Variants in DNHD1 observed in about 807,000 individuals in gnomAD.
DNHD1 encodes the protein dynein heavy chain domain 1, also known as dynein heavy chain domain-containing protein 1.
Under a neutral mutation model 458.1 loss-of-function variants are expected in DNHD1, and 383 were observed. The ratio of observed to expected loss-of-function variants is 0.84; its 90% confidence interval spans 0.77 to 0.91. The LOEUF (loss-of-function observed/expected upper bound fraction) is 0.91, where lower values mean the gene tolerates loss of function less well. Among genes scored for constraint, DNHD1 ranks in the 40% least tolerant of loss-of-function variants. DNHD1 has a pLI of 0.00. For missense variants in DNHD1, 5,336 were observed against 5,866.1 expected (o/e 0.91, Z 2.95); for synonymous variants, 2,203 against 2,376.9 (o/e 0.93, Z 2.13).
In DNHD1 at chr11:6,498,592, T is replaced by C. The variant is rs970283466; in HGVS notation, c.377T>C (p.Leu126Pro). ...GTCCAAACCCACCTCCATCTGGACC[T>C]GCTAGGTGCCATTGTCCAGGCCTTT... is the stretch of plus-strand genomic sequence containing the variant. ...PWVQTHLHLD[L>P]LGAIVQAFPP... is the part of the protein sequence containing the mutation. Residue 126 changes from leucine (L) to proline (P), a missense_variant, in exon 3 of 43, where the codon CTG (leucine) becomes CCG (proline). Leu to Pro is a moderately conservative substitution (Grantham distance 98). Around this residue, in one of 4 missense-constraint regions of DNHD1, gnomAD observed 3,932 missense variants for 4,365.6 expected, o/e 0.90. Coordinates refer to ENST00000254579, the MANE Select transcript of DNHD1 (RefSeq NM_144666.3). 3 of 1,614,120 alleles carry C rather than the reference T, an allele frequency of 1.9e-6. No individual in the cohort carries two copies. In the African/African-American group the frequency reaches 4.0e-5, roughly 22 times the overall value.
At position 6,547,341 on chromosome 11, in the gene DNHD1, A is replaced by G; in HGVS notation, c.6402A>G (p.Ile2134Met). The stretch of plus-strand genomic sequence containing the variant: ...TGGAGGTGGCTGACACAACAGGCAT[A>G]TCCCCCACAGTGGTAGGCTGTTGTG... ...LLMEVADTTG[I>M]SPTVVGCCAL... is the part of the protein sequence containing the mutation. Residue 2134 changes from isoleucine (I) to methionine (M), a missense_variant, in exon 21 of 43, where the codon ATA (isoleucine) becomes ATG (methionine). Physicochemically the swap from Ile to Met is conservative, Grantham distance 10. This residue lies in a region of DNHD1 where 3,932 missense variants were observed against 4,365.6 expected (regional missense o/e 0.90). Coordinates refer to ENST00000254579, the MANE Select transcript of DNHD1 (RefSeq NM_144666.3). 6.4e-7 allele frequency: 1 copy of G among 1,551,748 alleles called. No homozygotes were observed. Among genetic ancestry groups the G allele is most frequent in the Non-Finnish European group, 8.7e-7 (1 of 1,147,008 alleles).
At position 6,566,799 on chromosome 11, in the gene DNHD1, G is replaced by C. The variant is rs1269213342; in HGVS notation, c.11385+34G>C. The C allele has an allele frequency of 5.6e-6, 9 of 1,602,488 alleles. No homozygotes were observed. In the South Asian group the frequency reaches 1.0e-4, roughly 18 times the overall value. On this transcript the variant is annotated intron_variant, in intron 35 of 42. Coordinates refer to ENST00000254579, the MANE Select transcript of DNHD1 (RefSeq NM_144666.3). The stretch of plus-strand genomic sequence containing the variant: ...GGGCTCAGTCTGTGGGTTGAGATGA[G>C]CATTGGATGGACCTGGGTAAGGGGG...
intron 28 of DNHD1, among the ~76,000 whole-genome samples, chr11:6,562,685 G>A (rs1022314569): frequency 6.6e-6 from 1 of 152,156 alleles, no homozygotes; most frequent in African/African-American, 2.4e-5. Flanking sequence ...GACAACTGCT[G>A]CTAATGGGTC....
chr11:6,519,689 C>T lies in DNHD1; in HGVS notation c.1482C>T (p.Tyr494=), dbSNP rs114704893. ...DRIRTGQGSI[Y]LQRVQHKQLE... ...TCAGGACAGGCCAAGGCTCCATATACCTTCAGAGGGTACAGCACAAGCAAC... is the reference window on the plus strand; with the variant it reads ...TCAGGACAGGCCAAGGCTCCATATATCTTCAGAGGGTACAGCACAAGCAAC... The change falls in exon 8 of 43, where the codon TAC becomes TAT. Residue 494 remains tyrosine, a synonymous_variant. Transcript: ENST00000254579. 2,515 of 1,614,166 alleles carry T rather than the reference C, an allele frequency of 1.6e-3. 32 individuals are homozygous for T. The African/African-American group carries it at 0.03, about 19-fold the overall frequency.
rs1260698871 is a variant in DNHD1, at chr11:6,533,190, C to G, written c.2505+6C>G. On this transcript the variant is annotated splice_donor_region_variant and intron_variant, in intron 13 of 42. Coordinates refer to ENST00000254579, the MANE Select transcript of DNHD1 (RefSeq NM_144666.3). Reference sequence around the variant, plus strand: ...TTGCACAGTGCACCCAGAAGGTGGGCTCTCCCCATCCATCCTTCCCAGTTT... The same window carrying G: ...TTGCACAGTGCACCCAGAAGGTGGGGTCTCCCCATCCATCCTTCCCAGTTT... 4 of 1,550,786 alleles carry G rather than the reference C, an allele frequency of 2.6e-6. No homozygotes were observed. In the Admixed American group the frequency reaches 5.9e-5, roughly 23 times the overall value.
At chr11:6,568,973 A>AT in intron 39 of DNHD1, 107 bp downstream of exon 39, 2 of 1,310,050 alleles carry the variant, frequency 1.5e-6, no homozygotes, top group Non-Finnish European at 2.1e-6. Flanking sequence ...AGCTCCAAAG[A>AT]GCAAGGGCAA....
Position 6,509,095 on chromosome 11 carries a change from C to A in DNHD1, c.1124+12C>A, listed in dbSNP as rs955502320. 1 of 1,614,004 alleles carries A rather than the reference C, an allele frequency of 6.2e-7. No homozygotes were observed. The highest frequency in any genetic ancestry group is 8.5e-7 in the Non-Finnish European group (1 of 1,179,928). On this transcript the variant is annotated intron_variant, in intron 5 of 42. Transcript: ENST00000254579. The stretch of plus-strand genomic sequence containing the variant: ...AAGTCCTTTACCTGGTAGGTAATGA[C>A]GGATATGTGATTTGGGGGGAAATGG...
chr11:6,564,618 G>A lies in DNHD1; in HGVS notation c.10570G>A (p.Asp3524Asn), dbSNP rs1853658187. Residue 3524 changes from aspartate to asparagine, a missense_variant, in exon 32 of 43, where the codon GAT (aspartate) becomes AAT (asparagine). Coordinates refer to ENST00000254579, the MANE Select transcript of DNHD1 (RefSeq NM_144666.3). ...LSSESEQYQW[D>N]GNLKPQAKSA... ...CTCTGAATCGGAGCAGTACCAGTGG[G>A]ATGGAAACCTGAAGCCACAGGCAAA... 6.4e-7 allele frequency: 1 copy of A among 1,551,620 alleles called. No homozygotes were observed. The highest frequency in any genetic ancestry group is 8.7e-7 in the Non-Finnish European group (1 of 1,147,002).
Position 6,545,822 on chromosome 11 carries a change from C to A in DNHD1, c.4883C>A (p.Ser1628Tyr). Residue 1628 changes from serine (S) to tyrosine (Y), a missense_variant, in exon 21 of 43, where the codon TCT becomes TAT. Around this residue, in one of 4 missense-constraint regions of DNHD1, gnomAD observed 3,932 missense variants for 4,365.6 expected, o/e 0.90. Coordinates refer to ENST00000254579, the MANE Select transcript of DNHD1 (RefSeq NM_144666.3). This position sits in a 1 kb window ranked among gnomAD's most constrained non-coding sequence, Gnocchi z 4.9. ...CTACAGAGTCTTAAGACTATTGCAT[C>A]TTCTGAACCCTCTCTGTCACCAGCG... ...SPLQSLKTIA[S>Y]SEPSLSPAAC... 6.4e-7 allele frequency: 1 copy of A among 1,551,910 alleles called. No homozygotes were observed. Among genetic ancestry groups the A allele is most frequent in the Non-Finnish European group, 8.7e-7 (1 of 1,147,026 alleles).
chr11:6,534,497 G>A (rs978134060), intron 14 of DNHD1, among the ~76,000 whole-genome samples: 5 of 152,152 alleles, frequency 3.3e-5, no homozygotes, highest in Non-Finnish European at 5.9e-5. Flanking sequence ...ATAGAACGTA[G>A]CCTTTTTGTA....
At chr11:6,562,537 AT>A (rs1853606422) in intron 28 of DNHD1, among the ~76,000 whole-genome samples, 1 of 152,146 alleles carries the variant, frequency 6.6e-6, no homozygotes, top group African/African-American at 2.4e-5. Context: ...GAAAAAATTG[AT>A]GAGGAATAGT....
chr11:6,523,171 A>T (rs1028944712), intron 10 of DNHD1, among the ~76,000 whole-genome samples: 2 of 152,234 alleles, frequency 1.3e-5, no homozygotes. Context: ...GAAAAGAGAC[A>T]AAGGATTGCC....
chr11:6,546,237 G>C lies in DNHD1; in HGVS notation c.5298G>C (p.Leu1766=). Residue 1766 remains leucine, a synonymous_variant, in exon 21 of 43, where the codon CTG becomes CTC. Coordinates refer to ENST00000254579, the MANE Select transcript of DNHD1 (RefSeq NM_144666.3). The part of the protein sequence containing the change: ...LGELHHLYAP[L]YQEASRNTST... ...AACTGCACCACTTGTATGCCCCACT[G>C]TACCAGGAGGCTTCCCGAAACACAA... 6.4e-7 allele frequency: 1 copy of C among 1,552,148 alleles called. No individual in the cohort carries two copies. Among genetic ancestry groups the C allele is most frequent in the Non-Finnish European group, 8.7e-7 (1 of 1,147,084 alleles).
chr11:6,532,728 T>C (rs568022522), intron 12 of DNHD1, among the ~76,000 whole-genome samples: 59 of 152,188 alleles, frequency 3.9e-4, no homozygotes, highest in Admixed American at 1.0e-3. Context: ...GCACTCACAG[T>C]GGATTTATCA....
Position 6,563,934 on chromosome 11 carries a change from G to T in DNHD1, c.10094G>T (p.Gly3365Val). ...ATLTREQARLGYYQFQAQETL... is the reference protein window; with the variant it reads ...ATLTREQARLVYYQFQAQETL... ...CTCACTCGGGAGCAGGCCCGCCTGG[G>T]CTACTACCAGTTTCAGGCCCAGGAG... Residue 3365 changes from glycine to valine, a missense_variant, in exon 31 of 43, where the codon GGC becomes GTC. This residue lies in a region of DNHD1 where 3,932 missense variants were observed against 4,365.6 expected (regional missense o/e 0.90). Coordinates refer to ENST00000254579, the MANE Select transcript of DNHD1 (RefSeq NM_144666.3). 1 of 1,551,682 alleles carries T rather than the reference G, an allele frequency of 6.4e-7. No individual in the cohort carries two copies. Among genetic ancestry groups the T allele is most frequent in the South Asian group, 1.2e-5 (1 of 84,068 alleles).
chr11:6,556,770 A>G lies in DNHD1; in HGVS notation c.7475A>G (p.Gln2492Arg). The G allele has an allele frequency of 6.4e-7, 1 of 1,551,652 alleles. No individual in the cohort carries two copies. The highest frequency in any genetic ancestry group is 1.4e-5 in the African/African-American group (1 of 73,176). ...TVYAHSTLELQTLQPTVNFLA... is the reference protein window; with the variant it reads ...TVYAHSTLELRTLQPTVNFLA... Reference sequence around the variant, plus strand: ...TATGCCCACAGCACCTTGGAACTGCAGACGCTGCAGCCTACAGTCAACTTC... The same window carrying G: ...TATGCCCACAGCACCTTGGAACTGCGGACGCTGCAGCCTACAGTCAACTTC... Residue 2492 changes from glutamine to arginine, a missense_variant, in exon 25 of 43, where the codon CAG becomes CGG. Physicochemically the swap from Gln to Arg is conservative, Grantham distance 43. This residue lies in a region of DNHD1 where 3,932 missense variants were observed against 4,365.6 expected (regional missense o/e 0.90). Coordinates refer to ENST00000254579, the MANE Select transcript of DNHD1 (RefSeq NM_144666.3).
At chr11:6,524,180 A>C (rs1852661583) in intron 10 of DNHD1, among the ~76,000 whole-genome samples, 1 of 152,200 alleles carries the variant, frequency 6.6e-6, no homozygotes, top group South Asian at 2.1e-4. Flanking sequence ...GCACTCTCAT[A>C]GGTCTTGGCA....
rs1184758233 is a variant in DNHD1 at position 6,508,860 on chromosome 11, T to C, written c.921-20T>C. On this transcript the variant is annotated intron_variant, in intron 4 of 42. Transcript: ENST00000254579. ...ACCACGTTCCCAGGGCCTTCACTGA[T>C]CAGAGCTCTTTTTTTAAAGGCCTTA... is the stretch of plus-strand genomic sequence containing the variant. 2 of 1,613,144 alleles carry C rather than the reference T, an allele frequency of 1.2e-6. No individual in the cohort carries two copies. The highest frequency in any genetic ancestry group is 1.7e-6 in the Non-Finnish European group (2 of 1,179,790).
intron 14 of DNHD1, among the ~76,000 whole-genome samples, chr11:6,534,896 G>A (rs1384666417): frequency 6.6e-6 from 1 of 152,146 alleles, no homozygotes; most frequent in Admixed American, 6.5e-5. Context: ...ACAGGTGTGT[G>A]CCACCATGCC....
Sources: allele counts gnomAD v4.1 joint callset (sites outside exome capture counted in the v4.1 genomes callset), GRCh38; gene constraint gnomAD v4.1.1; regional missense constraint gnomAD v4.1.1; non-coding constraint Gnocchi (gnomAD v3.1); transcripts MANE v1.5; gene names NCBI Gene and HGNC (gene_info 2026-07-23, HGNC 2026-07-21).